The following MACF1 variants were observed in gnomAD, a reference collection of about 807,000 sequenced individuals.
The protein encoded by MACF1 is microtubule-actin cross-linking factor 1.
In MACF1, 193 loss-of-function variants were observed where a neutral mutation model predicts 854.8. That is an observed-to-expected ratio of 0.23 (90% CI 0.20 to 0.25). The LOEUF (loss-of-function observed/expected upper bound fraction) is 0.25, where lower values mean the gene tolerates loss of function less well. Among genes scored for constraint, MACF1 ranks in the 10% least tolerant of loss-of-function variants. The pLI, the probability that MACF1 is intolerant of heterozygous loss-of-function variation, is 1.00. For missense variants in MACF1, 7,722 were observed against 8,929.1 expected (o/e 0.86, Z 5.45); for synonymous variants, 3,185 against 3,226.7 (o/e 0.99, Z 0.44).
Position 39,318,474 on chromosome 1 carries a change from C to T in MACF1, c.3804C>T (p.Ile1268=), listed in dbSNP as rs752786109. 3 of 1,613,676 alleles carry T rather than the reference C, an allele frequency of 1.9e-6. No individual in the cohort carries two copies. The highest frequency in any genetic ancestry group is 2.7e-5 in the African/African-American group (2 of 74,852). Residue 1268 remains isoleucine (I), a synonymous_variant, in exon 30 of 101, where the codon ATC becomes ATT. Coordinates refer to ENST00000564288, the MANE Select transcript of MACF1 (RefSeq NM_001394062.1). ...LEIRQSELES[I]QEVLGDYRAC... ...CTAGCCAATCTGAGCTAGAAAGTAT[C>T]CAGGAAGTTCTGGGAGATTACCGAG...
intron 2 of MACF1, among the ~76,000 whole-genome samples, chr1:39,166,868 T>G (rs1246239717): frequency 6.6e-6 from 1 of 152,180 alleles, no homozygotes; most frequent in Admixed American, 6.5e-5. Flanking sequence ...TAGGGATCAT[T>G]TACAGGGAAG....
At chr1:39,483,921 G>C (rs1292804755) in intron 99 of MACF1, among the ~76,000 whole-genome samples, 1 of 152,218 alleles carries the variant, frequency 6.6e-6, no homozygotes, top group African/African-American at 2.4e-5. Context: ...GGAGGCTGAG[G>C]TGGGCAGATC....
chr1:39,124,615 C>T (rs1020529548), intron 2 of MACF1, among the ~76,000 whole-genome samples: 5 of 152,134 alleles, frequency 3.3e-5, no homozygotes, highest in Non-Finnish European at 5.9e-5. Flanking sequence ...TCAATGAGTA[C>T]GTTTGTCTGC....
chr1:39,289,905 G>T (rs570708414), intron 15 of MACF1, among the ~76,000 whole-genome samples: 1 of 151,652 alleles, frequency 6.6e-6, no homozygotes, highest in South Asian at 2.1e-4. Flanking sequence ...TCACCACATT[G>T]GCCAGGCTGG....
chr1:39,139,052 G>A (rs576531443), intron 2 of MACF1, among the ~76,000 whole-genome samples: 3 of 152,318 alleles, frequency 2.0e-5, no homozygotes, highest in African/African-American at 7.2e-5. Flanking sequence ...CACAAACTAC[G>A]TAATTTTGAG....
intron 1 of MACF1, among the ~76,000 whole-genome samples, chr1:39,210,764 G>A (rs965092814): frequency 6.6e-6 from 1 of 152,148 alleles, no homozygotes; most frequent in African/African-American, 2.4e-5. Context: ...GTTGAGAGCA[G>A]GTTGAGAGTC....
intron 58 of MACF1, chr1:39,411,469 C>G: frequency 6.2e-7 from 1 of 1,613,764 alleles, no homozygotes; most frequent in Admixed American, 1.7e-5. Flanking sequence ...TGACCCACAG[C>G]CAGCCAAGGA....
Position 39,396,500 on chromosome 1 carries a change from G to A in MACF1, c.15816+7842G>A, listed in dbSNP as rs1186572684. On this transcript the variant is annotated intron_variant, in intron 58 of 100. Transcript: ENST00000564288. Reference sequence around the variant, plus strand: ...TTCCAGAAAAACTAGAATGTATCCTGTGCAGAACTTGTATGTATTGATCGT... The same window carrying A: ...TTCCAGAAAAACTAGAATGTATCCTATGCAGAACTTGTATGTATTGATCGT... 2.0e-5 allele frequency among the ~76,000 whole-genome samples: 3 copies of A among 152,158 alleles called. No homozygotes were observed. In the East Asian group the frequency reaches 5.8e-4, roughly 29 times the overall value.
intron 54 of MACF1, 46 bp downstream of exon 54, chr1:39,379,490 C>T: frequency 6.4e-7 from 1 of 1,564,608 alleles, no homozygotes; most frequent in Non-Finnish European, 8.6e-7. Flanking sequence ...GAGGAAGAGA[C>T]AGCTGTACCA....
At chr1:39,309,516 A>G (rs1646257262) in intron 23 of MACF1, 54 bp from the exon 24 acceptor site, 1 of 1,606,324 alleles carries the variant, frequency 6.2e-7, no homozygotes, top group Non-Finnish European at 8.5e-7. Flanking sequence ...GAAGGTCTCT[A>G]ATGTGGAGCT....
At chr1:39,438,042 A>G (rs1470706735) in intron 71 of MACF1, 34 bp downstream of exon 71, 8 of 1,584,818 alleles carry the variant, frequency 5.0e-6, no homozygotes, top group Non-Finnish European at 6.9e-6. Flanking sequence ...TTAAAAATCA[A>G]CAGAATAAAT....
Position 39,331,532 on chromosome 1 carries a change from A to G in MACF1, c.4944A>G (p.Gly1648=). 6.2e-7 allele frequency: 1 copy of G among 1,614,138 alleles called. No individual in the cohort carries two copies. The change falls in exon 37 of 101, where the codon GGA becomes GGG. Residue 1648 remains glycine (G), a synonymous_variant. Transcript: ENST00000564288. ...IEKRIISETV[G]LKILEAHLAT... Reference sequence around the variant, plus strand: ...AGAGAATAATCAGTGAGACAGTTGGACTGAAAATCTTAGAAGCTCACCTGG... The same window carrying G: ...AGAGAATAATCAGTGAGACAGTTGGGCTGAAAATCTTAGAAGCTCACCTGG...
intron 58 of MACF1, among the ~76,000 whole-genome samples, chr1:39,391,469 T>C (rs1642034742): frequency 6.6e-6 from 1 of 152,186 alleles, no homozygotes; most frequent in Admixed American, 6.5e-5. Context: ...ACCATGATAT[T>C]GGTTATTATT....
rs141077065 is a variant in MACF1 at position 39,483,028 on chromosome 1, A to G, written c.22282-1573A>G. ...TTGAGCCTGGGAGGTCGAGGCTGCA[A>G]TGAGCCATGAAGTATGCCACTGTGC... On this transcript the variant is annotated intron_variant, in intron 99 of 100. Coordinates refer to ENST00000564288, the MANE Select transcript of MACF1 (RefSeq NM_001394062.1). 8.7e-4 allele frequency among the ~76,000 whole-genome samples: 122 copies of G among 140,426 alleles called. 1 individual carries two copies. The East Asian group carries it at 0.023, about 27-fold the overall frequency. 92.1% of individuals were successfully genotyped at this position (140,426 alleles called of 152,430 possible). A position where few individuals can be genotyped will look rare whatever the true frequency, so the allele number is the denominator to read the frequency against.
rs1641969556 is a variant in MACF1, at chr1:39,097,630, G to A, written c.220+13192G>A. On this transcript the variant is annotated intron_variant, in intron 2 of 93. Coordinates refer to the MACF1 transcript ENST00000361689. ...CAAGCTATCTGGGGGACTGAGGCTA[G>A]AGGATCACTTGAGCCTGGGAGGTTG... 2.0e-5 allele frequency among the ~76,000 whole-genome samples: 3 copies of A among 152,222 alleles called. No homozygotes were observed. In the South Asian group the frequency reaches 6.2e-4, roughly 32 times the overall value.
Position 39,084,518 on chromosome 1 carries a change from C to G in MACF1, c.220+80C>G. On this transcript the variant is annotated intron_variant, in intron 2 of 93. Coordinates refer to the MACF1 transcript ENST00000361689. This position sits in a 1 kb window ranked among gnomAD's most constrained non-coding sequence, Gnocchi z 5.2. The stretch of plus-strand genomic sequence containing the variant: ...CAGGGCACAGCAGCTGTGTGGGGAG[C>G]CGAGGGGTCCTCACCAGGGCCTCTG... 1.7e-6 allele frequency: 2 copies of G among 1,199,754 alleles called. No homozygotes were observed. Among genetic ancestry groups the G allele is most frequent in the Non-Finnish European group, 1.2e-6 (1 of 843,450 alleles). The allele number at this position is 1,199,754 out of a possible 1,614,324, so 74.3% of individuals were successfully genotyped here.
At chr1:39,090,789 T>G (rs1486679239) in intron 2 of MACF1, among the ~76,000 whole-genome samples, 1 of 152,172 alleles carries the variant, frequency 6.6e-6, no homozygotes, top group Admixed American at 6.5e-5. Flanking sequence ...TAGCTGACAC[T>G]GCAGCAGGAT....
chr1:39,473,098 C>G (rs1470280832), intron 97 of MACF1, among the ~76,000 whole-genome samples: 1 of 152,202 alleles, frequency 6.6e-6, no homozygotes, highest in Non-Finnish European at 1.5e-5. Flanking sequence ...CAGAGACTGT[C>G]TCATTATGTT....
intron 2 of MACF1, among the ~76,000 whole-genome samples, chr1:39,140,185 C>T (rs1317523861): frequency 6.6e-6 from 1 of 152,080 alleles, no homozygotes; most frequent in Non-Finnish European, 1.5e-5. Flanking sequence ...GAACTCCTGA[C>T]CTGAAATGAT....
Sources: gnomAD v4.1 joint callset for allele counts (sites outside exome capture counted in the v4.1 genomes callset) on GRCh38, gnomAD v4.1.1 for gene constraint, Gnocchi (gnomAD v3.1) non-coding constraint, MANE v1.5 for transcripts, NCBI Gene and HGNC (gene_info 2026-07-23, HGNC 2026-07-21) for gene names.